The following NT5C1B variants were observed in gnomAD, a reference collection of about 807,000 sequenced individuals.
NT5C1B encodes the protein 5'-nucleotidase, cytosolic IB, also known as cytosolic 5'-nucleotidase 1B.
Under a neutral mutation model 57.8 loss-of-function variants are expected in NT5C1B, and 44 were observed. The observed-to-expected ratio is 0.76, with a 90% confidence interval of 0.60 to 0.98. NT5C1B has a LOEUF of 0.98. Among genes scored for constraint, NT5C1B ranks in the 50% least tolerant of loss-of-function variants. The pLI is 0.00. For missense variants in NT5C1B, 742 were observed against 719.5 expected, an observed-to-expected ratio of 1.03 and a Z score of -0.36; for synonymous variants, 284 against 282.6, an observed-to-expected ratio of 1.00 and a Z score of -0.05.
At chr2:18,578,860 A>G (rs1473617867) in intron 6 of NT5C1B, among the ~76,000 whole-genome samples, 2 of 152,218 alleles carry the variant, frequency 1.3e-5, no homozygotes, top group South Asian at 2.1e-4. Flanking sequence ...GATTATCTCT[A>G]CTGGAAGATG....
At chr2:18,585,941 A>G (rs1278075973) in intron 3 of NT5C1B, among the ~76,000 whole-genome samples, 1 of 152,108 alleles carries the variant, frequency 6.6e-6, no homozygotes, top group Non-Finnish European at 1.5e-5. Flanking sequence ...CCCTCTTCTG[A>G]GAATCACAGT....
At chr2:18,563,775 C>G (rs1429135041) in exon 9 of NT5C1B, 2 of 1,506,204 alleles carry the variant, frequency 1.3e-6, no homozygotes, top group African/African-American at 1.4e-5. Flanking sequence ...ACTATCACCA[C>G]TTTATTTCTC....
intron 1 of NT5C1B, among the ~76,000 whole-genome samples, chr2:18,588,780 C>G (rs1011937566): frequency 5.3e-5 from 8 of 152,132 alleles, no homozygotes; most frequent in African/African-American, 1.9e-4. Flanking sequence ...AGATGTAAAT[C>G]TAGTAATGCT....
chr2:18,588,882 A>G (rs1207487707), intron 1 of NT5C1B, among the ~76,000 whole-genome samples: 5 of 152,130 alleles, frequency 3.3e-5, no homozygotes, highest in South Asian at 2.1e-4. Context: ...CCTTCACTCT[A>G]TACTTTATCA....
In NT5C1B at chr2:18,584,330, G is replaced by C; in HGVS notation, c.724-75C>G. On this transcript the variant is annotated intron_variant, in intron 4 of 8. Coordinates refer to ENST00000304081, the Ensembl canonical transcript of NT5C1B. The surrounding 1 kb of genome is among the most constrained non-coding windows in gnomAD (Gnocchi z 5.8). Reference sequence around the variant, plus strand: ...ACAGGGTTGGGGCTCCTCCAGGGTAGGGTGAGAGTAGGACAGCGGGCCCCT... The same window carrying C: ...ACAGGGTTGGGGCTCCTCCAGGGTACGGTGAGAGTAGGACAGCGGGCCCCT... 6.4e-7 allele frequency: 1 copy of C among 1,573,688 alleles called. No homozygotes were observed. Among genetic ancestry groups the C allele is most frequent in the Non-Finnish European group, 8.6e-7 (1 of 1,160,126 alleles).
intron 8 of NT5C1B, among the ~76,000 whole-genome samples, chr2:18,572,707 T>C (rs1450792714): frequency 2.0e-5 from 3 of 152,140 alleles, no homozygotes. Flanking sequence ...ACATTTGTCA[T>C]TAAAGAAATG....
intron 8 of NT5C1B, among the ~76,000 whole-genome samples, chr2:18,565,699 A>G (rs1319136054): frequency 6.6e-6 from 1 of 152,138 alleles, no homozygotes; most frequent in Non-Finnish European, 1.5e-5. Flanking sequence ...GTCATACAAT[A>G]TGGGCTTTTA....
At chr2:18,576,280 G>A in exon 8 of NT5C1B, 1 of 1,613,814 alleles carries the variant, frequency 6.2e-7, no homozygotes, top group East Asian at 2.2e-5. Flanking sequence ...CAGAGAAGAG[G>A]ACAGCATCCC....
At chr2:18,583,648 C>T (rs543385119) in intron 5 of NT5C1B, 1 of 356,026 alleles carries the variant, frequency 2.8e-6, no homozygotes, top group East Asian at 7.3e-5. Context: ...AGAACCTTAC[C>T]TTCTCTATTA....
chr2:18,575,225 T>C (rs191483979), intron 8 of NT5C1B, among the ~76,000 whole-genome samples: 1 of 152,072 alleles, frequency 6.6e-6, no homozygotes. Context: ...AGAATTTTCT[T>C]AATAGTAAGC....
At position 18,589,494 on chromosome 2, in the gene NT5C1B, T is replaced by C. The variant is rs759789642; in HGVS notation, c.-26A>G. On this transcript the variant is annotated 5_prime_UTR_variant, in exon 1 of 9. Coordinates refer to ENST00000304081, the Ensembl canonical transcript of NT5C1B. ...TTTTTTACCTGTTGAAATTCTTTTG[T>C]TGTTATCCACATTTTTGTCTCCCCA... 17 of 1,613,976 alleles carry C rather than the reference T, an allele frequency of 1.1e-5. No individual in the cohort carries two copies. The East Asian group carries it at 3.6e-4, about 34-fold the overall frequency.
intron 5 of NT5C1B, chr2:18,583,352 G>GT (rs908631265): frequency 5.6e-5 from 10 of 178,074 alleles, no homozygotes; most frequent in Non-Finnish European, 8.4e-5. Flanking sequence ...TCTAATGATT[G>GT]TTTTTTTTAT....
In NT5C1B at chr2:18,576,914, G is replaced by C; in HGVS notation, c.1022-19C>G. ...AGTAAGCCTATTATCAGGCAAGAAA[G>C]ACTTTGTTATGACAGAGATTAAAGA... On this transcript the variant is annotated intron_variant, in intron 6 of 8. Coordinates refer to ENST00000304081, the Ensembl canonical transcript of NT5C1B. 6.2e-7 allele frequency: 1 copy of C among 1,612,784 alleles called. No individual in the cohort carries two copies. Among genetic ancestry groups the C allele is most frequent in the Non-Finnish European group, 8.5e-7 (1 of 1,179,506 alleles).
At chr2:18,589,521 C>G (rs555945233) in exon 1 of NT5C1B, 1 of 1,613,368 alleles carries the variant, frequency 6.2e-7, no homozygotes. Flanking sequence ...GTCTCCCCAG[C>G]TCCATTTCCT....
At chr2:18,581,586 A>G (rs1176135752) in intron 6 of NT5C1B, among the ~76,000 whole-genome samples, 1 of 152,146 alleles carries the variant, frequency 6.6e-6, no homozygotes, top group African/African-American at 2.4e-5. Context: ...TTGGTATTAG[A>G]AAATGCTCTC....
exon 2 of NT5C1B, chr2:18,587,575 C>A (rs1252267521): frequency 1.2e-6 from 2 of 1,613,200 alleles, no homozygotes. Context: ...CTTTTGAGGA[C>A]CTCATTCCAG....
chr2:18,567,606 C>A (rs1277694331), intron 8 of NT5C1B, among the ~76,000 whole-genome samples: 2 of 152,208 alleles, frequency 1.3e-5, no homozygotes, highest in Non-Finnish European at 2.9e-5. Context: ...TGATACCAGA[C>A]AAACTTGGAT....
Position 18,572,673 on chromosome 2 carries a change from A to T in NT5C1B, c.1329+3511T>A, listed in dbSNP as rs369072085. ...CACCAAAGAAGATATGTGATGGAAA[A>T]AAGCACTGATAAGATGCTCAGTAAC... On this transcript the variant is annotated intron_variant, in intron 8 of 8. Transcript: ENST00000304081. 8.7e-4 allele frequency among the ~76,000 whole-genome samples: 133 copies of T among 152,334 alleles called. No homozygotes were observed. The South Asian group carries it at 0.015, about 17-fold the overall frequency.
chr2:18,563,001 G>C (rs1370043911), exon 9 of NT5C1B: 1 of 151,350 alleles, frequency 6.6e-6, no homozygotes, highest in East Asian at 1.9e-4. Context: ...AAAATCATGA[G>C]AGAATGACAA....
Sources: allele counts gnomAD v4.1 joint callset (sites outside exome capture counted in the v4.1 genomes callset), GRCh38; gene constraint gnomAD v4.1.1; non-coding constraint Gnocchi (gnomAD v3.1); transcripts MANE v1.5; gene names NCBI Gene and HGNC (gene_info 2026-07-23, HGNC 2026-07-21).